DNAH12: variants seen among roughly 807,000 people sequenced by gnomAD.
The protein encoded by DNAH12 is dynein axonemal heavy chain 12.
In DNAH12, 285 loss-of-function variants were observed where a neutral mutation model predicts 371.5. The ratio of observed to expected loss-of-function variants is 0.77; its 90% CI spans 0.70 to 0.85. The LOEUF is 0.85. Ranked by LOEUF, DNAH12 falls within the 40% of genes least tolerant of loss-of-function variation. The pLI, the probability that DNAH12 is intolerant of heterozygous loss-of-function variation, is 0.00. For missense variants in DNAH12, 3,611 were observed against 3,689.4 expected (o/e 0.98, Z 0.55); for synonymous variants, 1,200 against 1,213.0 (o/e 0.99, Z 0.22).
chr3:57,381,870 T>C (rs1293856946), intron 50 of DNAH12, among the ~76,000 whole-genome samples: 10 of 77,746 alleles, frequency 1.3e-4, no homozygotes, highest in African/African-American at 3.8e-4. Flanking sequence ...GAACCATATA[T>C]ATATATTTTT....
At chr3:57,408,252 A>C (rs2064097587) in intron 40 of DNAH12, 28 bp downstream of exon 40, 2 of 1,489,728 alleles carry the variant, frequency 1.3e-6, no homozygotes, top group Non-Finnish European at 1.8e-6. Flanking sequence ...TGTAATACTA[A>C]AACATTTACA....
At chr3:57,356,239 C>T (rs1422941449) in intron 59 of DNAH12, among the ~76,000 whole-genome samples, 3 of 152,040 alleles carry the variant, frequency 2.0e-5, no homozygotes, top group African/African-American at 4.8e-5. Context: ...TCCAGGAGTT[C>T]GAGACCAGCC....
At chr3:57,431,026 A>G (rs933408221) in intron 32 of DNAH12, among the ~76,000 whole-genome samples, 1 of 152,236 alleles carries the variant, frequency 6.6e-6, no homozygotes, top group Non-Finnish European at 1.5e-5. Context: ...ACCTTCTCAG[A>G]GAACACAGAT....
intron 58 of DNAH12, among the ~76,000 whole-genome samples, chr3:57,359,955 T>A (rs1005820637): frequency 6.6e-6 from 1 of 152,220 alleles, no homozygotes; most frequent in South Asian, 2.1e-4. Flanking sequence ...TTTAAAACTA[T>A]GTTTGCAATG....
Position 57,384,471 on chromosome 3 carries a change from T to C in DNAH12, c.7860+358A>G, listed in dbSNP as rs1006411800. Among the ~76,000 whole-genome samples, 497 of 152,020 alleles carry C rather than the reference T, an allele frequency of 3.3e-3. 4 individuals carry two copies. The highest frequency in any genetic ancestry group is 0.011 in the African/African-American group (448 of 41,442). ...GGGCAACATAGGGTGACCCTGTCTC[T>C]ATAAAAAAAAATGTTTAAAAAGATT... On this transcript the variant is annotated intron_variant, in intron 49 of 73. Transcript: ENST00000495027.
intron 39 of DNAH12, among the ~76,000 whole-genome samples, chr3:57,411,120 CA>C (rs1270614211): frequency 1.3e-5 from 2 of 152,088 alleles, no homozygotes; most frequent in Non-Finnish European, 2.9e-5. Context: ...CAAAGAACTA[CA>C]AAAAACTCCT....
At chr3:57,364,543 CCTT>C (rs1211281829) in intron 57 of DNAH12, among the ~76,000 whole-genome samples, 8 of 150,844 alleles carry the variant, frequency 5.3e-5, no homozygotes, top group African/African-American at 1.9e-4. Context: ...AGTCTTTAAT[CCTT>C]ATTATAGGCA....
intron 2 of DNAH12, among the ~76,000 whole-genome samples, chr3:57,534,508 C>CTT (rs35588123): frequency 0.25 from 26,853 of 108,726 alleles, 5,111 homozygotes; most frequent in African/African-American, 0.46. Context: ...TGTTAGCTAG[C>CTT]TTTTTTTTTT....
chr3:57,466,481 G>C (rs532782463), intron 17 of DNAH12, among the ~76,000 whole-genome samples: 2 of 152,304 alleles, frequency 1.3e-5, no homozygotes, highest in South Asian at 4.1e-4. Flanking sequence ...AACAATGCTT[G>C]AATCCAATCA....
chr3:57,358,225 C>T (rs1019321978), intron 58 of DNAH12, among the ~76,000 whole-genome samples: 16 of 152,180 alleles, frequency 1.1e-4, no homozygotes, highest in African/African-American at 2.4e-4. Context: ...TTAAAAGCCT[C>T]GGAAACTGAA....
chr3:57,400,602 G>A (rs2063837196), intron 43 of DNAH12, among the ~76,000 whole-genome samples: 2 of 152,082 alleles, frequency 1.3e-5, no homozygotes, highest in African/African-American at 2.4e-5. Flanking sequence ...AAATAATAAA[G>A]AGAACAATTA....
intron 60 of DNAH12, among the ~76,000 whole-genome samples, chr3:57,345,293 T>C (rs2062512026): frequency 6.6e-6 from 1 of 152,128 alleles, no homozygotes; most frequent in African/African-American, 2.4e-5. Context: ...CTCTGTCTCT[T>C]GGGAGAACTT....
chr3:57,402,950 T>C (rs1317338547), intron 43 of DNAH12, among the ~76,000 whole-genome samples: 3 of 152,204 alleles, frequency 2.0e-5, no homozygotes, highest in African/African-American at 7.2e-5. Context: ...ACAAATATTA[T>C]ACATCAATAT....
At chr3:57,555,039 A>C in the DNAH12 span, among the ~76,000 whole-genome samples, 2 of 152,050 alleles carry the variant, frequency 1.3e-5, no homozygotes, top group Non-Finnish European at 2.9e-5. Context: ...TGAGGCCAGG[A>C]GTTCGCGACC....
intron 65 of DNAH12, among the ~76,000 whole-genome samples, chr3:57,316,836 G>T (rs368369183): frequency 6.6e-6 from 1 of 152,148 alleles, no homozygotes; most frequent in Non-Finnish European, 1.5e-5. Context: ...CACCATGATT[G>T]TAAGTTTCCC....
intron 60 of DNAH12, 139 bp from the exon 61 acceptor site, chr3:57,335,079 A>T: frequency 1.1e-6 from 1 of 903,520 alleles, no homozygotes; most frequent in Non-Finnish European, 1.6e-6. Flanking sequence ...AACTGGACAA[A>T]ATTAATGAAA....
chr3:57,475,081 A>G (rs1033252887), intron 13 of DNAH12, among the ~76,000 whole-genome samples: 2 of 152,334 alleles, frequency 1.3e-5, no homozygotes, highest in East Asian at 1.9e-4. Flanking sequence ...TTGCTCATCT[A>G]TATGGGAAAA....
chr3:57,508,347 G>A (rs2067851637), intron 7 of DNAH12, 35 bp downstream of exon 7: 1 of 1,555,780 alleles, frequency 6.4e-7, no homozygotes, highest in African/African-American at 1.4e-5. Flanking sequence ...CTCAAGCAAG[G>A]AGACATTCAA....
intron 13 of DNAH12, among the ~76,000 whole-genome samples, chr3:57,476,963 T>C (rs963262179): frequency 1.3e-5 from 2 of 152,068 alleles, no homozygotes; most frequent in African/African-American, 4.8e-5. Flanking sequence ...GATGGCCAAA[T>C]GGGAACAGCT....
Sources: allele counts gnomAD v4.1 joint callset (sites outside exome capture counted in the v4.1 genomes callset), GRCh38; gene constraint gnomAD v4.1.1; transcripts MANE v1.5; gene names NCBI Gene and HGNC (gene_info 2026-07-23, HGNC 2026-07-21).